The following OTUD7A variants were observed in gnomAD, a reference collection of about 807,000 sequenced individuals.
OTUD7A encodes the protein OTU domain-containing protein 7A.
In OTUD7A, 12 loss-of-function variants were observed where a neutral mutation model predicts 65.7. The ratio of observed to expected loss-of-function variants is 0.18; its 90% CI spans 0.12 to 0.30. OTUD7A has a LOEUF of 0.30. Ranked by LOEUF, OTUD7A falls within the 10% of genes least tolerant of loss-of-function variation. OTUD7A has a pLI of 1.00. For synonymous variants in OTUD7A, 641 were observed against 586.3 expected, an observed-to-expected ratio of 1.09 and a Z score of -1.35; for missense variants, 1,148 against 1,304.8, an observed-to-expected ratio of 0.88 and a Z score of 1.85.
At chr15:31,522,488 A>G (rs2041951046) in intron 8 of OTUD7A, among the ~76,000 whole-genome samples, 1 of 152,186 alleles carries the variant, frequency 6.6e-6, no homozygotes, top group Non-Finnish European at 1.5e-5. Flanking sequence ...TAATCACGTG[A>G]GCCAATACCT....
At chr15:31,548,077 C>T (rs1455088523) in intron 5 of OTUD7A, among the ~76,000 whole-genome samples, 1 of 152,156 alleles carries the variant, frequency 6.6e-6, no homozygotes, top group African/African-American at 2.4e-5. Context: ...CCATATACTC[C>T]TAAAAATTTG....
At chr15:31,754,687 G>T (rs1894759287) in intron 1 of OTUD7A, among the ~76,000 whole-genome samples, 1 of 151,886 alleles carries the variant, frequency 6.6e-6, no homozygotes, top group African/African-American at 2.4e-5. Flanking sequence ...TTTATTTCTG[G>T]GTTCTCTATT....
At chr15:31,602,237 A>C (rs1890099662) in intron 3 of OTUD7A, among the ~76,000 whole-genome samples, 1 of 152,334 alleles carries the variant, frequency 6.6e-6, no homozygotes, top group South Asian at 2.1e-4. Context: ...CCAGCAGCAC[A>C]TCAAAAAGCT....
chr15:31,578,556 C>CTT (rs33982900), intron 3 of OTUD7A, among the ~76,000 whole-genome samples: 14,004 of 146,434 alleles, frequency 0.096, 1,770 homozygotes, highest in African/African-American at 0.29. Context: ...AACCAATGTC[C>CTT]TTTTTTTTTT....
At chr15:31,750,580 G>C (rs1894606703) in intron 1 of OTUD7A, among the ~76,000 whole-genome samples, 1 of 151,932 alleles carries the variant, frequency 6.6e-6, no homozygotes, top group Non-Finnish European at 1.5e-5. Flanking sequence ...CAAAGCTGGA[G>C]GCATCTCATT....
At chr15:31,690,870 G>C (rs1394051007) in intron 1 of OTUD7A, among the ~76,000 whole-genome samples, 2 of 152,212 alleles carry the variant, frequency 1.3e-5, no homozygotes, top group Non-Finnish European at 2.9e-5. Flanking sequence ...AACTGGATTT[G>C]ACAAGTATTT....
At chr15:31,810,181 T>G (rs902961678) in intron 1 of OTUD7A, among the ~76,000 whole-genome samples, 1 of 152,160 alleles carries the variant, frequency 6.6e-6, no homozygotes, top group Non-Finnish European at 1.5e-5. Context: ...ACACTCATAG[T>G]TCTACGGAGC....
intron 8 of OTUD7A, among the ~76,000 whole-genome samples, chr15:31,523,143 C>A (rs973589430): frequency 6.6e-6 from 1 of 152,254 alleles, no homozygotes; most frequent in African/African-American, 2.4e-5. Flanking sequence ...CTTCTGGTTA[C>A]TTTCCTGTGC....
At chr15:31,737,574 G>A (rs185050638) in intron 1 of OTUD7A, among the ~76,000 whole-genome samples, 7 of 152,250 alleles carry the variant, frequency 4.6e-5, no homozygotes, top group Admixed American at 2.0e-4. Context: ...TGGAAACGGC[G>A]ATTCAAGTTC....
chr15:31,546,044 AG>A (rs1485806374), intron 5 of OTUD7A, among the ~76,000 whole-genome samples: 4 of 152,384 alleles, frequency 2.6e-5, no homozygotes, highest in East Asian at 3.8e-4. Context: ...GCATTGTGTT[AG>A]GTATTACAGG....
chr15:31,657,879 A>G (rs1439171719), intron 1 of OTUD7A, among the ~76,000 whole-genome samples: 1 of 152,140 alleles, frequency 6.6e-6, no homozygotes, highest in African/African-American at 2.4e-5. Flanking sequence ...TTTGAACAGC[A>G]TGAGGCTCTG....
intron 1 of OTUD7A, among the ~76,000 whole-genome samples, chr15:31,751,769 T>C (rs1301572017): frequency 1.3e-5 from 2 of 152,058 alleles, no homozygotes; most frequent in African/African-American, 4.8e-5. Context: ...TCAAACAACA[T>C]AAGTGGAGCT....
At chr15:31,740,275 A>C (rs1894304812) in intron 1 of OTUD7A, among the ~76,000 whole-genome samples, 1 of 152,132 alleles carries the variant, frequency 6.6e-6, no homozygotes, top group African/African-American at 2.4e-5. Flanking sequence ...GTGGGGTCGC[A>C]GCTGAGGCCT....
intron 3 of OTUD7A, among the ~76,000 whole-genome samples, chr15:31,596,922 ATTTAT>A (rs901500258): frequency 1.1e-4 from 17 of 151,800 alleles, no homozygotes; most frequent in Admixed American, 3.3e-4. Flanking sequence ...TGGCTTACCT[ATTTAT>A]TTTATTTTAT....
chr15:31,685,493 A>C (rs1302990209), intron 1 of OTUD7A, among the ~76,000 whole-genome samples: 1 of 151,870 alleles, frequency 6.6e-6, no homozygotes, highest in Non-Finnish European at 1.5e-5. Flanking sequence ...AAAAAAAAAA[A>C]ACAAAAAACA....
At chr15:31,767,600 A>T (rs1181361620) in intron 1 of OTUD7A, 1 of 813,826 alleles carries the variant, frequency 1.2e-6, no homozygotes, top group African/African-American at 1.7e-5. Context: ...TAGGGATGGC[A>T]CACCTAAAAT....
At chr15:31,529,469 GTGGC>G (rs768045276) in intron 6 of OTUD7A, among the ~76,000 whole-genome samples, 6 of 152,180 alleles carry the variant, frequency 3.9e-5, no homozygotes, top group Non-Finnish European at 5.9e-5. Flanking sequence ...ACTGTTAAGA[GTGGC>G]CGCCGCTGGG....
rs1485619050 is a variant in OTUD7A, at chr15:31,484,850, C to CGGGA, written c.1372-127_1372-126insTCCC. The CGGGA allele has an allele frequency of 6.9e-7, 1 of 1,451,384 alleles. No homozygotes were observed. The highest frequency in any genetic ancestry group is 1.4e-5 in the African/African-American group (1 of 70,620). 89.9% of individuals were successfully genotyped at this position (1,451,384 alleles called of 1,614,324 possible). A position where few individuals can be genotyped will look rare whatever the true frequency, so the allele number is the denominator to read the frequency against. On this transcript the variant is annotated intron_variant, in intron 12 of 12. Coordinates refer to ENST00000307050, the MANE Select transcript of OTUD7A (RefSeq NM_001382637.1). The surrounding 1 kb of genome is among the most constrained non-coding windows in gnomAD (Gnocchi z 4.5). ...CCCTGGACCTTCACTGTCCCAGTCC[C>CGGGA]CACTGTCGCTCTGGTGACTGTGACA...
intron 5 of OTUD7A, among the ~76,000 whole-genome samples, chr15:31,553,995 C>A (rs1370905066): frequency 6.6e-6 from 1 of 152,190 alleles, no homozygotes; most frequent in Non-Finnish European, 1.5e-5. Flanking sequence ...GCGCCCGGCT[C>A]CCATTCTCCT....
Sources: allele counts gnomAD v4.1 joint callset (sites outside exome capture counted in the v4.1 genomes callset), GRCh38; gene constraint gnomAD v4.1.1; non-coding constraint Gnocchi (gnomAD v3.1); transcripts MANE v1.5; gene names NCBI Gene and HGNC (gene_info 2026-07-23, HGNC 2026-07-21).